The following LINGO2 variants were observed in gnomAD, a reference collection of about 807,000 sequenced individuals.
The protein encoded by LINGO2 is leucine rich repeat and Ig domain containing 2.
A neutral mutation model predicts 30.6 loss-of-function variants in LINGO2; 14 were observed. The ratio of observed to expected loss-of-function variants is 0.46; its 90% CI spans 0.30 to 0.72. LINGO2 has a LOEUF of 0.72. Ranked by LOEUF, LINGO2 falls within the 30% of genes least tolerant of loss-of-function variation. The pLI is 0.07. For synonymous variants in LINGO2, 317 were observed against 288.5 expected, an observed-to-expected ratio of 1.10 and a Z score of -1.00; for missense variants, 729 against 751.7, an observed-to-expected ratio of 0.97 and a Z score of 0.35.
At chr9:28,001,971 T>G (rs2119146578) in intron 5 of LINGO2, among the ~76,000 whole-genome samples, 1 of 152,306 alleles carries the variant, frequency 6.6e-6, no homozygotes, top group South Asian at 2.1e-4. Flanking sequence ...AAATTAAAAT[T>G]TATAGCAAAA....
chr9:28,883,861 A>G, the LINGO2 span, among the ~76,000 whole-genome samples: 18 of 150,778 alleles, frequency 1.2e-4, no homozygotes, highest in South Asian at 1.5e-3. Flanking sequence ...TATTTTTGGT[A>G]GAGATGGGGT....
At chr9:28,716,162 A>T in the LINGO2 span, among the ~76,000 whole-genome samples, 7 of 144,258 alleles carry the variant, frequency 4.9e-5, no homozygotes, top group African/African-American at 1.5e-4. Context: ...TTTCAGCATT[A>T]AAAAAAAAAA....
At chr9:28,019,274 A>T (rs1587702317) in intron 4 of LINGO2, among the ~76,000 whole-genome samples, 1 of 105,340 alleles carries the variant, frequency 9.5e-6, no homozygotes, top group Non-Finnish European at 2.1e-5. Flanking sequence ...CCTAAAACTT[A>T]AAAAAAAAAA....
At position 28,035,886 on chromosome 9, in the gene LINGO2, ACACACAAACAC is replaced by A. The variant is rs1823907467; in HGVS notation, c.-86-23492_-86-23482del. On this transcript the variant is annotated intron_variant, in intron 4 of 5. Transcript: ENST00000379992. ...AGGATGAAATGATAGCAGAACACACACACACAAACACACACACACACACACACACATGCGCT... is the reference window on the plus strand; with the variant it reads ...AGGATGAAATGATAGCAGAACACACAACACACACACACACACACATGCGCT... Among the ~76,000 whole-genome samples, 11 of 64,722 alleles carry A rather than the reference ACACACAAACAC, an allele frequency of 1.7e-4. No homozygotes were observed. In the South Asian group the frequency reaches 6.3e-3, roughly 37 times the overall value. The allele number at this position is 64,722 out of a possible 152,430, so 42.5% of individuals were successfully genotyped here.
the LINGO2 span, among the ~76,000 whole-genome samples, chr9:28,878,908 A>T: frequency 2.6e-5 from 4 of 152,202 alleles, no homozygotes; most frequent in African/African-American, 9.6e-5. Context: ...AACTGGAAGC[A>T]TTCCTTTGAA....
chr9:28,896,274 T>C, the LINGO2 span, among the ~76,000 whole-genome samples: 2 of 152,190 alleles, frequency 1.3e-5, no homozygotes, highest in African/African-American at 2.4e-5. Context: ...AATATTTTCT[T>C]ATATCCCATT....
intron 4 of LINGO2, among the ~76,000 whole-genome samples, chr9:28,265,259 GATA>G (rs1481259695): frequency 6.6e-6 from 1 of 151,794 alleles, no homozygotes; most frequent in East Asian, 1.9e-4. Context: ...CTCTTCTGAG[GATA>G]AAAAGGCACA....
At chr9:28,367,075 C>G (rs1189927106) in intron 3 of LINGO2, among the ~76,000 whole-genome samples, 1 of 149,144 alleles carries the variant, frequency 6.7e-6, no homozygotes, top group African/African-American at 2.6e-5. Flanking sequence ...TTTATCTTCT[C>G]TATATAGTTG....
At chr9:29,200,684 A>G in the LINGO2 span, among the ~76,000 whole-genome samples, 1 of 152,126 alleles carries the variant, frequency 6.6e-6, no homozygotes, top group African/African-American at 2.4e-5. Flanking sequence ...CAAAAGTTAC[A>G]TTGCCGTTAA....
At chr9:27,950,428 G>A (rs753332674) in exon 6 of LINGO2, 1 of 1,614,118 alleles carries the variant, frequency 6.2e-7, no homozygotes, top group East Asian at 2.2e-5. Flanking sequence ...TCTTCCAGCA[G>A]AGGATATGAT....
At chr9:28,054,246 C>T (rs980003872) in intron 4 of LINGO2, among the ~76,000 whole-genome samples, 1 of 152,042 alleles carries the variant, frequency 6.6e-6, no homozygotes, top group South Asian at 2.1e-4. Context: ...CCTGGGAGCC[C>T]TTCTCTCACC....
intron 1 of LINGO2, among the ~76,000 whole-genome samples, chr9:28,563,600 T>C (rs986608787): frequency 1.3e-5 from 2 of 152,148 alleles, no homozygotes; most frequent in Non-Finnish European, 2.9e-5. Flanking sequence ...AAATGCTTGA[T>C]AGAAAAAAAT....
chr9:28,045,560 AATT>A (rs1292175370), intron 4 of LINGO2, among the ~76,000 whole-genome samples: 1 of 152,232 alleles, frequency 6.6e-6, no homozygotes, highest in African/African-American at 2.4e-5. Context: ...AAAGATTGAG[AATT>A]ATTGTTCTAA....
chr9:28,710,848 C>G, the LINGO2 span, among the ~76,000 whole-genome samples: 1 of 152,168 alleles, frequency 6.6e-6, no homozygotes, highest in East Asian at 1.9e-4. Flanking sequence ...TTACTCAATA[C>G]TGTGAATAAA....
At chr9:28,106,885 C>T (rs1032824354) in intron 4 of LINGO2, among the ~76,000 whole-genome samples, 4 of 152,142 alleles carry the variant, frequency 2.6e-5, no homozygotes, top group African/African-American at 4.8e-5. Context: ...GTTTTATTTA[C>T]ATACTTTTTC....
At chr9:28,727,358 T>C in the LINGO2 span, among the ~76,000 whole-genome samples, 1 of 151,888 alleles carries the variant, frequency 6.6e-6, no homozygotes, top group Non-Finnish European at 1.5e-5. Context: ...CGATCTCAGC[T>C]CACTGCAAGC....
At chr9:28,540,848 G>C (rs888536834) in intron 1 of LINGO2, among the ~76,000 whole-genome samples, 3 of 152,148 alleles carry the variant, frequency 2.0e-5, no homozygotes, top group African/African-American at 7.2e-5. Flanking sequence ...ATAAGCTGTA[G>C]TCTTTGCCCA....
chr9:28,865,405 T>C, the LINGO2 span, among the ~76,000 whole-genome samples: 1 of 152,124 alleles, frequency 6.6e-6, no homozygotes, highest in Non-Finnish European at 1.5e-5. Context: ...GCAAAACCTC[T>C]TGAAGAATCA....
chr9:28,467,851 T>A (rs1028040495), intron 2 of LINGO2, among the ~76,000 whole-genome samples: 6 of 152,000 alleles, frequency 3.9e-5, no homozygotes, highest in African/African-American at 1.4e-4. Context: ...CATGAATAAC[T>A]AACTAATTCT....
Sources: gnomAD v4.1 joint callset for allele counts (sites outside exome capture counted in the v4.1 genomes callset) on GRCh38, gnomAD v4.1.1 for gene constraint, MANE v1.5 for transcripts, NCBI Gene and HGNC (gene_info 2026-07-23, HGNC 2026-07-21) for gene names.